CCNB3: variants seen among roughly 807,000 people sequenced by gnomAD.
CCNB3 encodes cyclin B3.
In CCNB3, 12 loss-of-function variants were observed where a neutral mutation model predicts 68.0. The observed-to-expected ratio is 0.18, with a 90% CI of 0.11 to 0.29. The LOEUF (loss-of-function observed/expected upper bound fraction) is 0.29, where lower values mean the gene tolerates loss of function less well. CCNB3 is among the 10% of genes least tolerant of loss of function. The pLI is 1.00. For missense variants in CCNB3, 904 were observed against 993.1 expected, an observed-to-expected ratio of 0.91 and a Z score of 1.21; for synonymous variants, 354 against 388.9, an observed-to-expected ratio of 0.91 and a Z score of 1.06.
intron 1 of CCNB3, among the ~76,000 whole-genome samples, chrX:50,228,455 T>C (rs889250572): frequency 5.4e-5 from 5 of 92,045 alleles, no homozygotes; most frequent in African/African-American, 1.5e-4. Flanking sequence ...ATATAGAATA[T>C]ATATAGAGGA....
At chrX:50,279,648 AT>A (rs1473423697) in intron 1 of CCNB3, among the ~76,000 whole-genome samples, 1 of 90,684 alleles carries the variant, frequency 1.1e-5, no homozygotes, top group African/African-American at 3.9e-5. Context: ...GAATATGTAC[AT>A]TCATCTATGT....
chrX:50,308,462 T>C lies in CCNB3; in HGVS notation c.336-43T>C, dbSNP rs1429397123. On this transcript the variant is annotated intron_variant, in intron 5 of 12. Transcript: ENST00000376042. ...AAAAGGAAATGGTAGGTGAGGATTC[T>C]AGGAACTACATTTTTCTTACCCAGA... 8 of 904,668 alleles carry C rather than the reference T, an allele frequency of 8.8e-6. No homozygotes were observed. The African/African-American group carries it at 1.2e-4, about 14-fold the overall frequency. The allele number at this position is 904,668 out of a possible 1,213,427, so 74.6% of individuals were successfully genotyped here.
chrX:50,336,814 G>A (rs1020732300), intron 8 of CCNB3, among the ~76,000 whole-genome samples: 3 of 111,207 alleles, frequency 2.7e-5, no homozygotes, highest in East Asian at 5.6e-4. Flanking sequence ...ATTCTTGAGG[G>A]TTTTGGTAAT....
chrX:50,322,367 A>T (rs1457957144), intron 8 of CCNB3, among the ~76,000 whole-genome samples: 2 of 111,282 alleles, frequency 1.8e-5, no homozygotes, highest in Non-Finnish European at 3.8e-5. Context: ...CTGGCTAGCC[A>T]TATGTAGAAA....
chrX:50,351,796 C>A lies in CCNB3; in HGVS notation c.*93C>A. ...GATCGCTTTTATTCATTTTTCCTTT[C>A]TTTGTCTTTTCCCAAACTGATAATG... On this transcript the variant is annotated 3_prime_UTR_variant, in exon 13 of 13. Coordinates refer to ENST00000376042, the MANE Select transcript of CCNB3 (RefSeq NM_033031.3). The A allele has an allele frequency of 1.6e-6, 1 of 615,157 alleles. No homozygotes were observed. The highest frequency in any genetic ancestry group is 3.9e-5 in the Admixed American group (1 of 25,832). The allele number at this position is 615,157 out of a possible 1,213,427, so 50.7% of individuals were successfully genotyped here. A position where few individuals can be genotyped will look rare whatever the true frequency, so the allele number is the denominator to read the frequency against.
In CCNB3 at chrX:50,279,704, A is replaced by G. The variant is rs954686656; in HGVS notation, c.-112-4838A>G. On this transcript the variant is annotated intron_variant, in intron 1 of 12. Coordinates refer to ENST00000376042, the MANE Select transcript of CCNB3 (RefSeq NM_033031.3). ...TTCATCTATGCAAACATATATGTGA[A>G]TATGTATATTCATATATGTAAATAT... is the stretch of plus-strand genomic sequence containing the variant. Among the ~76,000 whole-genome samples, 19 of 90,667 alleles carry G rather than the reference A, an allele frequency of 2.1e-4. No homozygotes were observed. The South Asian group carries it at 8.9e-3, about 43-fold the overall frequency. The allele number at this position is 90,667 out of a possible 115,157, so 78.7% of individuals were successfully genotyped here.
chrX:50,300,864 A>G (rs782274219), intron 5 of CCNB3, among the ~76,000 whole-genome samples: 5 of 110,981 alleles, frequency 4.5e-5, no homozygotes, highest in African/African-American at 1.6e-4. Flanking sequence ...ACTTCTCTTC[A>G]TGCTTCATTT....
intron 1 of CCNB3, among the ~76,000 whole-genome samples, chrX:50,226,531 A>T (rs1460672609): frequency 1.3e-5 from 1 of 75,055 alleles, no homozygotes; most frequent in Non-Finnish European, 2.3e-5. Flanking sequence ...ATATATATAT[A>T]GAATATATGA....
intron 8 of CCNB3, among the ~76,000 whole-genome samples, chrX:50,339,428 A>C (rs1923016642): frequency 8.9e-6 from 1 of 112,520 alleles, no homozygotes; most frequent in Non-Finnish European, 1.9e-5. Flanking sequence ...ATGACTGAAT[A>C]GAATGAAAGG....
chrX:50,203,704 G>T (rs185929464), upstream of CCNB3, among the ~76,000 whole-genome samples: 3 of 111,404 alleles, frequency 2.7e-5, no homozygotes, highest in African/African-American at 9.8e-5. Flanking sequence ...GAGTGGAGGG[G>T]GAAAATAAAG....
rs1569543502 is a variant in CCNB3 at position 50,342,291 on chromosome X, G to A, written c.3606G>A (p.Lys1202=). 3 of 1,208,649 alleles carry A rather than the reference G, an allele frequency of 2.5e-6. No individual in the cohort carries two copies. The South Asian group carries it at 5.3e-5, about 21-fold the overall frequency. The change falls in exon 9 of 13, where the codon AAG becomes AAA. Residue 1202 remains lysine, a synonymous_variant. Transcript: ENST00000376042. ...TGAAGGCAGTATGCAAGAAGGATAA[G>A]TTACAACTCCTTGGTGCCACTGCCT... The part of the protein sequence containing the change: ...YLMKAVCKKD[K]LQLLGATAFM...
At chrX:50,205,995 A>T (rs1935353389) in intron 1 of CCNB3, among the ~76,000 whole-genome samples, 1 of 108,487 alleles carries the variant, frequency 9.2e-6, no homozygotes, top group Admixed American at 9.8e-5. Context: ...TCACGCCTGT[A>T]GTGCCAGCAC....
intron 5 of CCNB3, among the ~76,000 whole-genome samples, chrX:50,307,168 C>T (rs782734499): frequency 8.9e-6 from 1 of 111,743 alleles, no homozygotes; most frequent in South Asian, 3.7e-4. Context: ...CTTCTTGAGT[C>T]AGTTTTGGTA....
chrX:50,227,297 A>C (rs1300966279), intron 1 of CCNB3, among the ~76,000 whole-genome samples: 13 of 85,561 alleles, frequency 1.5e-4, no homozygotes, highest in African/African-American at 5.7e-4. Context: ...CATGTACAGA[A>C]TATATATAAA....
At chrX:50,330,359 A>G (rs59514980) in intron 8 of CCNB3, among the ~76,000 whole-genome samples, 12,727 of 111,372 alleles carry the variant, frequency 0.11, 1,787 homozygotes, top group African/African-American at 0.4. Context: ...GCAGCGCCAG[A>G]CTGTCTGACT....
At chrX:50,340,779 G>T (rs1923084348) in intron 8 of CCNB3, among the ~76,000 whole-genome samples, 1 of 111,679 alleles carries the variant, frequency 9.0e-6, no homozygotes, top group Non-Finnish European at 1.9e-5. Flanking sequence ...ATAGGAGATG[G>T]TTTCTTGGAG....
intron 1 of CCNB3, among the ~76,000 whole-genome samples, chrX:50,279,932 A>T (rs1286019573): frequency 2.3e-5 from 2 of 87,090 alleles, no homozygotes; most frequent in Non-Finnish European, 4.2e-5. Flanking sequence ...TAGAATAAAT[A>T]TGTATTTATA....
intron 8 of CCNB3, among the ~76,000 whole-genome samples, chrX:50,316,593 C>A (rs1557215801): frequency 8.9e-6 from 1 of 111,891 alleles, no homozygotes; most frequent in African/African-American, 3.3e-5. Flanking sequence ...TAAAAACTTC[C>A]TTATGTTATC....
Position 50,309,793 on chromosome X carries a change from A to T in CCNB3, c.1624A>T (p.Met542Leu). 8.3e-7 allele frequency: 1 copy of T among 1,210,165 alleles called. No homozygotes were observed. Among genetic ancestry groups the T allele is most frequent in the Middle Eastern group, 2.3e-4 (1 of 4,349 alleles). ...AAAGAAAAAGTGTACCACACAAGAG[A>T]TGATGTCCATCTGTCCAGAACTGTT... ...SLKKKCTTQE[M>L]MSICPELLDF... The change falls in exon 6 of 13, where the codon ATG (methionine) becomes TTG (leucine). Residue 542 changes from methionine (M) to leucine (L), a missense_variant. This residue lies in a region of CCNB3 where 619 missense variants were observed against 609.8 expected (regional missense o/e 1.02). Coordinates refer to ENST00000376042, the MANE Select transcript of CCNB3 (RefSeq NM_033031.3).
Sources: gnomAD v4.1 joint callset for allele counts (sites outside exome capture counted in the v4.1 genomes callset) on GRCh38, gnomAD v4.1.1 for gene constraint, gnomAD v4.1.1 regional missense constraint, MANE v1.5 for transcripts, NCBI Gene and HGNC (gene_info 2026-07-23, HGNC 2026-07-21) for gene names.